Variants in KDM5B observed in about 807,000 individuals in gnomAD.
The protein encoded by KDM5B is lysine demethylase 5B.
Under a neutral mutation model 193.4 loss-of-function variants are expected in KDM5B, and 144 were observed. That is an observed-to-expected ratio of 0.74 (90% CI 0.65 to 0.86). The LOEUF (loss-of-function observed/expected upper bound fraction) is 0.86, where lower values mean the gene tolerates loss of function less well. KDM5B is among the 40% of genes least tolerant of loss of function. KDM5B has a pLI of 0.00. For synonymous variants in KDM5B, 668 were observed against 682.6 expected, an observed-to-expected ratio of 0.98 and a Z score of 0.33; for missense variants, 1,833 against 1,886.9, an observed-to-expected ratio of 0.97 and a Z score of 0.53.
chr1:202,759,321 C>A (rs1278538198), intron 8 of KDM5B, among the ~76,000 whole-genome samples: 1 of 152,018 alleles, frequency 6.6e-6, no homozygotes, highest in African/African-American at 2.4e-5. Flanking sequence ...GGAGGATCAC[C>A]TGAGCTCCGG....
intron 12 of KDM5B, among the ~76,000 whole-genome samples, chr1:202,751,266 A>G (rs1317852937): frequency 1.3e-5 from 2 of 152,008 alleles, no homozygotes; most frequent in Non-Finnish European, 2.9e-5. Flanking sequence ...AAATCCTTAT[A>G]CTGAGCTTAT....
chr1:202,749,164 AAAT>A, intron 13 of KDM5B, 25 bp from the exon 14 acceptor site: 1 of 1,588,724 alleles, frequency 6.3e-7, no homozygotes, highest in South Asian at 1.1e-5. Context: ...GGAAAGAAAA[AAAT>A]AACATTCATC....
chr1:202,745,133 G>A (rs545237165), intron 16 of KDM5B, among the ~76,000 whole-genome samples: 7 of 152,214 alleles, frequency 4.6e-5, no homozygotes, highest in East Asian at 3.9e-4. Context: ...GGAGTAACAC[G>A]TGAACACATA....
chr1:202,753,251 A>G (rs1655868666), intron 11 of KDM5B, among the ~76,000 whole-genome samples, 184 bp from the exon 12 acceptor site: 1 of 152,194 alleles, frequency 6.6e-6, no homozygotes, highest in African/African-American at 2.4e-5. Context: ...TAATCCCAGC[A>G]CTTTGGGAGA....
rs1553359858 is a variant in KDM5B at position 202,779,842 on chromosome 1, A to AATAAATAG, written c.205-2749_205-2748insCTATTTAT. Among the ~76,000 whole-genome samples, 33 of 151,286 alleles carry AATAAATAG rather than the reference A, an allele frequency of 2.2e-4. No homozygotes were observed. The East Asian group carries it at 5.6e-3, about 26-fold the overall frequency. On this transcript the variant is annotated intron_variant, in intron 1 of 26. Transcript: ENST00000367265. Reference sequence around the variant, plus strand: ...AAATAAATAAATAAATAAATAAATAAATAAAAAATAAAGGAAGAAAAAACA... The same window carrying AATAAATAG: ...AAATAAATAAATAAATAAATAAATAAATAAATAGATAAAAAATAAAGGAAGAAAAAACA...
Position 202,753,062 on chromosome 1 carries a change from T to A in KDM5B, c.1544A>T (p.Glu515Val). ...SYSINYLHWG[E>V]PKTWYGVPGY... ...TGGGACTCCATACCAGGTTTTTGGC[T>A]CACCCCTGGAAATAGATTATAAAAA... The change falls in exon 12 of 27, where the codon GAG becomes GTG. Residue 515 changes from glutamate (E) to valine (V), a missense_variant. This residue lies in a region of KDM5B where 1,379 missense variants were observed against 1,349.6 expected (regional missense o/e 1.02). Coordinates refer to ENST00000367265, the MANE Select transcript of KDM5B (RefSeq NM_006618.5). The A allele has an allele frequency of 6.2e-7, 1 of 1,612,474 alleles. No individual in the cohort carries two copies. The highest frequency in any genetic ancestry group is 8.5e-7 in the Non-Finnish European group (1 of 1,179,504).
At chr1:202,799,990 T>A (rs976238142) in intron 1 of KDM5B, among the ~76,000 whole-genome samples, 3 of 152,252 alleles carry the variant, frequency 2.0e-5, no homozygotes, top group South Asian at 4.1e-4. Context: ...AAGTAATTCA[T>A]CAGACTCTTC....
chr1:202,776,968 G>T, intron 2 of KDM5B, 49 bp downstream of exon 2: 1 of 1,152,184 alleles, frequency 8.7e-7, no homozygotes, highest in South Asian at 1.3e-5. Flanking sequence ...TAATTTCAAA[G>T]ACGGTCCCCC....
At position 202,808,229 on chromosome 1, in the gene KDM5B, A is replaced by C; in HGVS notation, c.77T>G (p.Phe26Cys). The C allele has an allele frequency of 6.2e-7, 1 of 1,612,294 alleles. No individual in the cohort carries two copies. The highest frequency in any genetic ancestry group is 8.5e-7 in the Non-Finnish European group (1 of 1,179,504). Reference protein sequence around the residue: ...PLGGPGPLGEFLPPPECPVFE... With the variant: ...PLGGPGPLGECLPPPECPVFE... Reference sequence around the variant, plus strand: ...GACCGGGCACTCGGGTGGAGGCAGGAACTCGCCCAGCGGGCCCGGGCCCCC... The same window carrying C: ...GACCGGGCACTCGGGTGGAGGCAGGCACTCGCCCAGCGGGCCCGGGCCCCC... Residue 26 changes from phenylalanine to cysteine, a missense_variant, in exon 1 of 27, where the codon TTC becomes TGC. Coordinates refer to ENST00000367265, the MANE Select transcript of KDM5B (RefSeq NM_006618.5).
At chr1:202,806,291 T>TA (rs1658292000) in intron 1 of KDM5B, among the ~76,000 whole-genome samples, 1 of 152,186 alleles carries the variant, frequency 6.6e-6, no homozygotes, top group African/African-American at 2.4e-5. Flanking sequence ...ACTAAGAACT[T>TA]AGTCAAGTTA....
intron 4 of KDM5B, among the ~76,000 whole-genome samples, chr1:202,770,532 A>G (rs1572748225): frequency 6.6e-6 from 1 of 152,244 alleles, no homozygotes; most frequent in African/African-American, 2.4e-5. Context: ...AATATTCATC[A>G]TAGTATTATA....
intron 2 of KDM5B, among the ~76,000 whole-genome samples, chr1:202,775,608 C>T (rs924674143): frequency 6.6e-6 from 1 of 151,244 alleles, no homozygotes; most frequent in African/African-American, 2.4e-5. Flanking sequence ...GTAATCCCAG[C>T]ACTTTGGGAG....
At chr1:202,751,282 TATA>T (rs1232274196) in intron 12 of KDM5B, among the ~76,000 whole-genome samples, 1 of 152,144 alleles carries the variant, frequency 6.6e-6, no homozygotes, top group Non-Finnish European at 1.5e-5. Flanking sequence ...CTTATTATTA[TATA>T]ATAATATTAG....
At chr1:202,740,115 C>CG (rs1207495509) in intron 20 of KDM5B, among the ~76,000 whole-genome samples, 1 of 146,008 alleles carries the variant, frequency 6.8e-6, no homozygotes, top group Admixed American at 6.7e-5. Context: ...TGACCCCCCC[C>CG]ACCTCCCTCC....
intron 16 of KDM5B, 102 bp from the exon 17 acceptor site, chr1:202,742,907 T>C (rs1220303951): frequency 4.2e-6 from 4 of 950,214 alleles, no homozygotes; most frequent in Non-Finnish European, 6.2e-6. Context: ...TGTCTAGAAA[T>C]GTAACTTACA....
chr1:202,752,814 A>G, intron 12 of KDM5B, 91 bp downstream of exon 12: 1 of 1,256,648 alleles, frequency 8.0e-7, no homozygotes. Context: ...AAAACACAGA[A>G]CTAAATCAAC....
chr1:202,757,486 T>C (rs10800862), intron 9 of KDM5B, among the ~76,000 whole-genome samples: 101,108 of 152,090 alleles, frequency 0.66, 36,567 homozygotes, highest in Admixed American at 0.82. Flanking sequence ...TCTAATATTC[T>C]GTCAAAATAT....
intron 5 of KDM5B, among the ~76,000 whole-genome samples, chr1:202,765,446 C>A (rs1373564931): frequency 6.6e-6 from 1 of 152,156 alleles, no homozygotes; most frequent in Non-Finnish European, 1.5e-5. Flanking sequence ...ATGTCCACTG[C>A]TAAAAGAGTT....
chr1:202,737,379 C>G (rs1012746270), intron 20 of KDM5B, among the ~76,000 whole-genome samples: 1 of 152,202 alleles, frequency 6.6e-6, no homozygotes, highest in African/African-American at 2.4e-5. Context: ...CCAGGTAAAG[C>G]TGCTGTTGCC....
Sources: allele counts gnomAD v4.1 joint callset (sites outside exome capture counted in the v4.1 genomes callset), GRCh38; gene constraint gnomAD v4.1.1; regional missense constraint gnomAD v4.1.1; transcripts MANE v1.5; gene names NCBI Gene and HGNC (gene_info 2026-07-23, HGNC 2026-07-21).